The following TRMT44 variants were observed in gnomAD, a reference collection of about 807,000 sequenced individuals.
TRMT44 encodes probable tRNA (uracil-O(2)-)-methyltransferase.
In TRMT44, 78 loss-of-function variants were observed where a neutral mutation model predicts 77.3. The observed-to-expected ratio is 1.01, with a 90% CI of 0.84 to 1.22. The LOEUF is 1.22. TRMT44 is among the 50% of genes most tolerant of loss of function. TRMT44 has a pLI of 0.00. For synonymous variants in TRMT44, 391 were observed against 383.3 expected (o/e 1.02, Z -0.23); for missense variants, 1,090 against 964.4 (o/e 1.13, Z -1.73).
At position 8,446,656 on chromosome 4, in the gene TRMT44, G is replaced by A. The variant is rs573887694; in HGVS notation, c.734+66G>A. 2.3e-5 allele frequency: 28 copies of A among 1,207,576 alleles called. No homozygotes were observed. Among genetic ancestry groups the A allele is most frequent in the Non-Finnish European group, 3.2e-5 (28 of 864,112 alleles). 74.8% of individuals were successfully genotyped at this position (1,207,576 alleles called of 1,614,324 possible). On this transcript the variant is annotated intron_variant, in intron 2 of 10. Transcript: ENST00000389737. This position sits in a 1 kb window ranked among gnomAD's most constrained non-coding sequence, Gnocchi z 4.3. ...TTGAGGATTTCTTTAGGTAGCCAAAGGATTCTGGGTTGCCAGGGCTTAAGG... is the reference window on the plus strand; with the variant it reads ...TTGAGGATTTCTTTAGGTAGCCAAAAGATTCTGGGTTGCCAGGGCTTAAGG...
the TRMT44 span, among the ~76,000 whole-genome samples, chr4:8,504,311 G>A: frequency 6.6e-6 from 1 of 152,114 alleles, no homozygotes; most frequent in African/African-American, 2.4e-5. This position sits in a 1 kb window ranked among gnomAD's most constrained non-coding sequence, Gnocchi z 5.3. Context: ...CTAAGGCAGG[G>A]AATCCCCTCT....
At chr4:8,483,618 A>C (rs893224531) in intron 2 of TRMT44, among the ~76,000 whole-genome samples, 13 of 152,196 alleles carry the variant, frequency 8.5e-5, no homozygotes, top group Non-Finnish European at 1.8e-4. Context: ...TGTGTTTTTA[A>C]AAGACCATTA....
chr4:8,504,695 C>T, the TRMT44 span, among the ~76,000 whole-genome samples: 1 of 152,150 alleles, frequency 6.6e-6, no homozygotes, highest in Non-Finnish European at 1.5e-5. The surrounding 1 kb of genome is among the most constrained non-coding windows in gnomAD (Gnocchi z 5.3). Context: ...TGGCAGAGCT[C>T]TTCCTGGGGT....
At position 8,475,839 on chromosome 4, in the gene TRMT44, A is replaced by G. The variant is rs1459124535; in HGVS notation, c.2112A>G (p.Glu704=). 2 of 1,614,194 alleles carry G rather than the reference A, an allele frequency of 1.2e-6. No homozygotes were observed. The highest frequency in any genetic ancestry group is 8.5e-7 in the Non-Finnish European group (1 of 1,180,040). The change falls in exon 11 of 11, where the codon GAA becomes GAG. Residue 704 remains glutamate (E), a synonymous_variant. Transcript: ENST00000389737. ...EETLWKTKQP[E]AKQRLLSEAC... ...CACTGTGGAAGACAAAGCAACCGGAAGCGAAACAGAGACTGCTCTCTGAAG... is the reference window on the plus strand; with the variant it reads ...CACTGTGGAAGACAAAGCAACCGGAGGCGAAACAGAGACTGCTCTCTGAAG...
intron 8 of TRMT44, among the ~76,000 whole-genome samples, chr4:8,467,344 C>G (rs1029880990): frequency 6.6e-6 from 1 of 152,112 alleles, no homozygotes; most frequent in African/African-American, 2.4e-5. Flanking sequence ...AGTGTGGACT[C>G]TTGAGTTTAG....
At chr4:8,490,158 T>C (rs2688233) in intron 2 of TRMT44, among the ~76,000 whole-genome samples, 112,402 of 152,000 alleles carry the variant, frequency 0.74, 42,290 homozygotes, top group African/African-American at 0.87. Flanking sequence ...CACCCGTTCC[T>C]TGGCCACCCC....
At chr4:8,503,902 C>A in the TRMT44 span, among the ~76,000 whole-genome samples, 1 of 152,234 alleles carries the variant, frequency 6.6e-6, no homozygotes. Context: ...CTCCAGCAAG[C>A]CCTCACACGC....
chr4:8,458,874 G>C (rs903794307), intron 6 of TRMT44, among the ~76,000 whole-genome samples: 3 of 152,014 alleles, frequency 2.0e-5, no homozygotes, highest in African/African-American at 7.2e-5. Flanking sequence ...GTCAACAATA[G>C]GCTATGAGTA....
At chr4:8,513,112 C>G in the TRMT44 span, among the ~76,000 whole-genome samples, 132 of 152,258 alleles carry the variant, frequency 8.7e-4, no homozygotes, top group Middle Eastern at 3.4e-3. Flanking sequence ...AGGGTTTTAC[C>G]ATGTTGGTCA....
chr4:8,496,486 G>C (rs149005370), downstream of TRMT44, among the ~76,000 whole-genome samples: 1 of 152,116 alleles, frequency 6.6e-6, no homozygotes, highest in Non-Finnish European at 1.5e-5. Flanking sequence ...TCTCAAGCCC[G>C]CCCCATGCAG....
intron 9 of TRMT44, among the ~76,000 whole-genome samples, chr4:8,470,198 C>G (rs147957743): frequency 6.6e-6 from 1 of 152,206 alleles, no homozygotes; most frequent in Non-Finnish European, 1.5e-5. Context: ...TTGAGACAGC[C>G]GAGAGGTGGA....
chr4:8,491,448 C>T (rs557614907), intron 2 of TRMT44, among the ~76,000 whole-genome samples: 40 of 152,338 alleles, frequency 2.6e-4, no homozygotes, highest in Middle Eastern at 3.4e-3. Context: ...GACTGGGTGC[C>T]GTGGAGCAGG....
chr4:8,441,462 G>A lies in TRMT44; in HGVS notation c.619+21G>A, dbSNP rs148265405. On this transcript the variant is annotated intron_variant, in intron 1 of 10. Coordinates refer to ENST00000389737, the MANE Select transcript of TRMT44 (RefSeq NM_152544.3). ...GCAAGGTAAGAGTGTTTTGATAGTG[G>A]ACGGATATGATTAGATAAAAAAGCA... is the stretch of plus-strand genomic sequence containing the variant. The A allele has an allele frequency of 4.7e-5, 69 of 1,480,756 alleles. No individual in the cohort carries two copies. The Middle Eastern group carries it at 5.2e-4, about 11-fold the overall frequency. 91.7% of individuals were successfully genotyped at this position (1,480,756 alleles called of 1,614,324 possible).
chr4:8,516,776 TCAAAAAA>T, the TRMT44 span, among the ~76,000 whole-genome samples: 1 of 151,994 alleles, frequency 6.6e-6, no homozygotes. Context: ...AGACCCTGTC[TCAAAAAA>T]CAAAAAACAA....
intron 10 of TRMT44, chr4:8,473,296 C>T (rs1160900912): frequency 6.6e-6 from 1 of 152,582 alleles, no homozygotes; most frequent in African/African-American, 2.4e-5. Context: ...CGCGCTGCAT[C>T]CATGCTGGCT....
chr4:8,472,092 C>T (rs976667261), intron 10 of TRMT44, among the ~76,000 whole-genome samples: 2 of 151,906 alleles, frequency 1.3e-5, no homozygotes, highest in African/African-American at 2.4e-5. Context: ...AGTACTTCCA[C>T]GTGCATCTTT....
At chr4:8,511,500 T>G in the TRMT44 span, among the ~76,000 whole-genome samples, 3 of 152,176 alleles carry the variant, frequency 2.0e-5, no homozygotes, top group African/African-American at 7.2e-5. Flanking sequence ...TTATCCTGGC[T>G]TGGTGCTGGT....
intron 2 of TRMT44, among the ~76,000 whole-genome samples, chr4:8,491,496 G>A (rs1039293460): frequency 2.0e-5 from 3 of 152,238 alleles, no homozygotes; most frequent in Non-Finnish European, 4.4e-5. Context: ...CCGCACAGGA[G>A]CCCATGGAGT....
intron 2 of TRMT44, among the ~76,000 whole-genome samples, chr4:8,490,277 TGACTTCAAGAATGAAGCCACA>T (rs1727956321): frequency 6.6e-6 from 1 of 152,250 alleles, no homozygotes. Context: ...TTGGTCTCAC[TGACTTCAAGAATGAAGCCACA>T]GACCCTCGCG....
Sources: gnomAD v4.1 joint callset for allele counts (sites outside exome capture counted in the v4.1 genomes callset) on GRCh38, gnomAD v4.1.1 for gene constraint, Gnocchi (gnomAD v3.1) non-coding constraint, MANE v1.5 for transcripts, NCBI Gene and HGNC (gene_info 2026-07-23, HGNC 2026-07-21) for gene names.